The following CCDC102A variants were observed in gnomAD, a reference collection of about 807,000 sequenced individuals.
CCDC102A encodes the protein coiled-coil domain-containing protein 102A.
In CCDC102A, 40 loss-of-function variants were observed where a neutral mutation model predicts 55.5. The ratio of observed to expected loss-of-function variants is 0.72; its 90% CI spans 0.56 to 0.94. The LOEUF is 0.94. Among genes scored for constraint, CCDC102A ranks in the 40% least tolerant of loss-of-function variants. The pLI is 0.00. For missense variants in CCDC102A, 779 were observed against 768.6 expected (o/e 1.01, Z -0.16); for synonymous variants, 323 against 339.0 (o/e 0.95, Z 0.52).
chr16:57,515,462 G>C lies in CCDC102A; in HGVS notation c.1420-18C>G, dbSNP rs750697866. On this transcript the variant is annotated intron_variant, in intron 7 of 8. Transcript: ENST00000258214. ...TCGTCCAGCTGTGGGGGTGAGCAGG[G>C]CCGAAAGCACGAGGGTCACCCAGGG... 2 of 1,554,990 alleles carry C rather than the reference G, an allele frequency of 1.3e-6. No individual in the cohort carries two copies.
At chr16:57,531,299 C>T (rs941228284) in intron 1 of CCDC102A, among the ~76,000 whole-genome samples, 1 of 150,720 alleles carries the variant, frequency 6.6e-6, no homozygotes, top group East Asian at 1.9e-4. Context: ...CCAGAGAAGG[C>T]ACTTCCTCAC....
chr16:57,518,721 C>A lies in CCDC102A; in HGVS notation c.942G>T (p.Ala314=). The part of the protein sequence containing the change: ...MLKQLSILKE[A]HQDELGRMSE... ...ACATGCGGCCCAGCTCGTCCTGGTG[C>A]GCCTCCTTCAGGATGCTGAGCTGCA... The change falls in exon 5 of 9, where the codon GCG becomes GCT. Residue 314 remains alanine, a synonymous_variant. Coordinates refer to ENST00000258214, the MANE Select transcript of CCDC102A (RefSeq NM_033212.4). The A allele has an allele frequency of 1.9e-6, 3 of 1,607,374 alleles. No individual in the cohort carries two copies. The highest frequency in any genetic ancestry group is 2.5e-6 in the Non-Finnish European group (3 of 1,176,860).
intron 1 of CCDC102A, among the ~76,000 whole-genome samples, chr16:57,534,374 T>TGCAG (rs1455928782): frequency 1.1e-4 from 17 of 152,230 alleles, no homozygotes; most frequent in Non-Finnish European, 2.5e-4. Flanking sequence ...TGACACTTGC[T>TGCAG]GCAGGCTAGG....
intron 8 of CCDC102A, among the ~76,000 whole-genome samples, chr16:57,514,388 T>A (rs1296931646): frequency 6.6e-6 from 1 of 152,078 alleles, no homozygotes; most frequent in Non-Finnish European, 1.5e-5. Context: ...TTTGTAGACA[T>A]GGGGGTCTTG....
intron 4 of CCDC102A, among the ~76,000 whole-genome samples, chr16:57,520,823 C>A (rs1483179966): frequency 1.1e-4 from 16 of 151,352 alleles, no homozygotes; most frequent in Admixed American, 1.1e-3. Flanking sequence ...GCCTGTAATC[C>A]CAGCTATTCG....
At chr16:57,535,187 C>T (rs1032354122) in intron 1 of CCDC102A, among the ~76,000 whole-genome samples, 3 of 152,206 alleles carry the variant, frequency 2.0e-5, no homozygotes, top group Non-Finnish European at 4.4e-5. Context: ...AGACTGCGGG[C>T]ACCTGTCCCT....
intron 4 of CCDC102A, among the ~76,000 whole-genome samples, chr16:57,519,912 A>G (rs2032016979): frequency 6.6e-6 from 1 of 152,214 alleles, no homozygotes; most frequent in Non-Finnish European, 1.5e-5. Flanking sequence ...CCACCGATCC[A>G]GTGTGGCGTT....
chr16:57,519,846 C>T (rs1567602645), intron 4 of CCDC102A, among the ~76,000 whole-genome samples: 1 of 152,306 alleles, frequency 6.6e-6, no homozygotes. Flanking sequence ...AGTCTTGGTC[C>T]CCTCCAGGAC....
chr16:57,515,592 C>T (rs1034479754), intron 7 of CCDC102A, 148 bp from the exon 8 acceptor site: 4 of 647,418 alleles, frequency 6.2e-6, no homozygotes, highest in South Asian at 5.0e-5. Flanking sequence ...TAAGGCTTAC[C>T]TCTTCTAGAA....
chr16:57,532,185 G>A lies in CCDC102A; in HGVS notation c.-147-2861C>T, dbSNP rs553336726. Among the ~76,000 whole-genome samples the A allele has an allele frequency of 1.1e-3, 175 of 152,262 alleles. 2 individuals carry two copies. Among genetic ancestry groups the A allele is most frequent in the Admixed American group, 5.2e-4 (8 of 15,296 alleles). On this transcript the variant is annotated intron_variant, in intron 1 of 8. Transcript: ENST00000258214. ...CACCCAGACACTTGGCCCTATACCC[G>A]AGAGAGTCATGTTTGCTAGGTGTGG...
At position 57,529,345 on chromosome 16, in the gene CCDC102A, T is replaced by C; in HGVS notation, c.-147-21A>G. Reference sequence around the variant, plus strand: ...CGGACCTACGGGAGAACACAACCGTTATTGGACTGCGACCACCGTCAGTCT... The same window carrying C: ...CGGACCTACGGGAGAACACAACCGTCATTGGACTGCGACCACCGTCAGTCT... On this transcript the variant is annotated intron_variant, in intron 1 of 8. Coordinates refer to ENST00000258214, the MANE Select transcript of CCDC102A (RefSeq NM_033212.4). The surrounding 1 kb of genome is among the most constrained non-coding windows in gnomAD (Gnocchi z 4.1). 4 of 944,276 alleles carry C rather than the reference T, an allele frequency of 4.2e-6. No homozygotes were observed. The highest frequency in any genetic ancestry group is 5.3e-6 in the Non-Finnish European group (4 of 758,836). 58.5% of individuals were successfully genotyped at this position (944,276 alleles called of 1,614,324 possible).
chr16:57,525,857 CGGCCTG>C, intron 3 of CCDC102A, 38 bp downstream of exon 3: 1 of 1,554,758 alleles, frequency 6.4e-7, no homozygotes, highest in Non-Finnish European at 8.8e-7. Context: ...CGTTGTAGCA[CGGCCTG>C]GCCCTGGCCC....
intron 2 of CCDC102A, among the ~76,000 whole-genome samples, chr16:57,527,319 A>T (rs2032153427): frequency 6.6e-6 from 1 of 152,080 alleles, no homozygotes; most frequent in African/African-American, 2.4e-5. Flanking sequence ...ACCCACTGTT[A>T]ATGCAGCAGC....
intron 1 of CCDC102A, among the ~76,000 whole-genome samples, chr16:57,531,047 T>C (rs2032250399): frequency 6.6e-6 from 1 of 151,876 alleles, no homozygotes; most frequent in Non-Finnish European, 1.5e-5. Context: ...CGAATGCGGC[T>C]GTCATCGGGC....
intron 3 of CCDC102A, among the ~76,000 whole-genome samples, chr16:57,522,386 C>T (rs1027127561): frequency 1.3e-5 from 2 of 152,122 alleles, no homozygotes; most frequent in Non-Finnish European, 2.9e-5. Context: ...CTGGGCATCT[C>T]TGGGCAAGTA....
At chr16:57,527,625 G>T (rs1393901101) in intron 2 of CCDC102A, among the ~76,000 whole-genome samples, 1 of 152,124 alleles carries the variant, frequency 6.6e-6, no homozygotes, top group Non-Finnish European at 1.5e-5. Context: ...TCACCATGTT[G>T]GCCAGGCTGG....
At chr16:57,523,127 C>T (rs1333569776) in intron 3 of CCDC102A, among the ~76,000 whole-genome samples, 1 of 151,656 alleles carries the variant, frequency 6.6e-6, no homozygotes, top group African/African-American at 2.4e-5. Context: ...GAGATAGAGC[C>T]GCTGTACCCC....
In CCDC102A at chr16:57,535,789, G is replaced by T. The variant is rs560727996; in HGVS notation, c.-148+711C>A. Among the ~76,000 whole-genome samples, 3 of 152,250 alleles carry T rather than the reference G, an allele frequency of 2.0e-5. No individual in the cohort carries two copies. The South Asian group carries it at 6.2e-4, about 32-fold the overall frequency. Reference sequence around the variant, plus strand: ...TTCCTTACCTACAGGATGGGGAGAGGCACTAAAAAGATTCCTGAACGCTCT... The same window carrying T: ...TTCCTTACCTACAGGATGGGGAGAGTCACTAAAAAGATTCCTGAACGCTCT... On this transcript the variant is annotated intron_variant, in intron 1 of 8. Coordinates refer to ENST00000258214, the MANE Select transcript of CCDC102A (RefSeq NM_033212.4).
At chr16:57,522,965 G>T (rs1467814630) in intron 3 of CCDC102A, among the ~76,000 whole-genome samples, 1 of 152,176 alleles carries the variant, frequency 6.6e-6, no homozygotes, top group African/African-American at 2.4e-5. Flanking sequence ...TCAGGAGTTC[G>T]AGAGCAGCCT....
Sources: gnomAD v4.1 joint callset for allele counts (sites outside exome capture counted in the v4.1 genomes callset) on GRCh38, gnomAD v4.1.1 for gene constraint, Gnocchi (gnomAD v3.1) non-coding constraint, MANE v1.5 for transcripts, NCBI Gene and HGNC (gene_info 2026-07-23, HGNC 2026-07-21) for gene names.